The following TMEM223 variants were observed in gnomAD, a reference collection of about 807,000 sequenced individuals.
TMEM223 encodes transmembrane protein 223.
Under a neutral mutation model 14.1 loss-of-function variants are expected in TMEM223, and 14 were observed. The observed-to-expected ratio is 0.99, with a 90% CI of 0.66 to 1.55. TMEM223 has a LOEUF of 1.55. TMEM223 is among the 40% of genes most tolerant of loss of function. The pLI is 0.00. For missense variants in TMEM223, 346 were observed against 269.9 expected, an observed-to-expected ratio of 1.28 and a Z score of -1.97; for synonymous variants, 145 against 120.5, an observed-to-expected ratio of 1.20 and a Z score of -1.33.
At chr11:62,787,652 G>A (rs1452004194), downstream of TMEM223, 2 of 1,246,940 alleles carry the variant, frequency 1.6e-6, no homozygotes, top group South Asian at 3.1e-5. Context: ...AGGCACGGCT[G>A]GCGCCGGCCT....
chr11:62,790,703 A>G lies in TMEM223; in HGVS notation c.529T>C (p.Tyr177His). ...TGTCCAGTTTTGTCCAAGAGGAAAT[A>G]GAAGCGTCGGCCTTTGACTTTCAGA... ...LPLKVKGRRF[Y>H]FLLDKTGHFP... is the part of the protein sequence containing the mutation. The change falls in exon 2 of 2, where the codon TAT (tyrosine) becomes CAT (histidine). Residue 177 changes from tyrosine to histidine, a missense_variant. Transcript: ENST00000307366. 1.9e-6 allele frequency: 3 copies of G among 1,611,952 alleles called. No homozygotes were observed. The highest frequency in any genetic ancestry group is 2.5e-6 in the Non-Finnish European group (3 of 1,178,964).
At chr11:62,788,521 G>A (rs1179363095), downstream of TMEM223, among the ~76,000 whole-genome samples, 2 of 151,988 alleles carry the variant, frequency 1.3e-5, no homozygotes, top group Non-Finnish European at 2.9e-5. Context: ...TGGCCAACAC[G>A]GTGAAACCCT....
chr11:62,791,555 T>C (rs2084361024), intron 1 of TMEM223, 124 bp downstream of exon 1: 9 of 1,242,950 alleles, frequency 7.2e-6, no homozygotes, highest in Non-Finnish European at 8.6e-6. Context: ...TGTTTCACAT[T>C]TCTGTGGGGT....
chr11:62,789,807 G>A, downstream of TMEM223: 1 of 1,562,720 alleles, frequency 6.4e-7, no homozygotes, highest in South Asian at 1.2e-5. Flanking sequence ...AAATTCAGCA[G>A]TTCAGAGTGG....
chr11:62,787,493 G>GTGCCGTGGC, downstream of TMEM223: 2 of 1,579,390 alleles, frequency 1.3e-6, no homozygotes, highest in Non-Finnish European at 1.7e-6. Flanking sequence ...TTCCTGTGCG[G>GTGCCGTGGC]GGCCGTGGCG....
chr11:62,786,565 A>C, downstream of TMEM223: 1 of 1,568,682 alleles, frequency 6.4e-7, no homozygotes, highest in African/African-American at 1.4e-5. Flanking sequence ...AGCAGAGCCC[A>C]ACAGGGGTGG....
rs1463649965 is a variant in TMEM223 at position 62,776,514 on chromosome 11, C to T, written c.315-1849G>A. 6 of 1,584,866 alleles carry T rather than the reference C, an allele frequency of 3.8e-6. No individual in the cohort carries two copies. The Admixed American group carries it at 6.7e-5, about 18-fold the overall frequency. On this transcript the variant is annotated intron_variant, in intron 1 of 2. Transcript: ENST00000528367. Reference sequence around the variant, plus strand: ...ACAGAGGGCTCAGGTGGCATGAGGCCACTTCCATGTCCAGTTCAGGGCTGG... The same window carrying T: ...ACAGAGGGCTCAGGTGGCATGAGGCTACTTCCATGTCCAGTTCAGGGCTGG...
chr11:62,782,657 C>T, downstream of TMEM223: 1 of 1,605,910 alleles, frequency 6.2e-7, no homozygotes, highest in South Asian at 1.1e-5. Flanking sequence ...GGCACCATGC[C>T]TCATTCCCCT....
chr11:62,783,206 G>T (rs966320898), downstream of TMEM223, among the ~76,000 whole-genome samples: 4 of 152,192 alleles, frequency 2.6e-5, no homozygotes, highest in Non-Finnish European at 4.4e-5. Flanking sequence ...GTTGGCGCCG[G>T]GCGCAGTGGC....
At chr11:62,784,467 C>T (rs1391913852), downstream of TMEM223, among the ~76,000 whole-genome samples, 7 of 151,252 alleles carry the variant, frequency 4.6e-5, no homozygotes, top group East Asian at 2.0e-4. Flanking sequence ...CCACCATGCC[C>T]GGCTAATTTT....
downstream of TMEM223, chr11:62,786,270 G>A (rs1200353642): frequency 1.9e-6 from 3 of 1,611,920 alleles, no homozygotes; most frequent in Non-Finnish European, 1.7e-6. Flanking sequence ...GCAGTAGAAC[G>A]AGTCCTGTAC....
downstream of TMEM223, among the ~76,000 whole-genome samples, chr11:62,788,400 G>GCAAAAA (rs540874469): frequency 1.3e-3 from 187 of 147,626 alleles, no homozygotes; most frequent in African/African-American, 3.6e-3. Flanking sequence ...AATCTCCATC[G>GCAAAAA]CAAAAACAAA....
At chr11:62,771,319 G>A (rs946221810), downstream of TMEM223, 1 of 152,480 alleles carries the variant, frequency 6.6e-6, no homozygotes, top group African/African-American at 2.4e-5. Context: ...GAGCCAGGAA[G>A]CCTCCTGGAG....
At chr11:62,771,929 C>G (rs2084150998) in exon 3 of TMEM223, 1 of 355,522 alleles carries the variant, frequency 2.8e-6, no homozygotes, top group East Asian at 7.6e-5. Flanking sequence ...CTAGGGTCAC[C>G]AAGGGGTGGG....
At chr11:62,772,829 C>T (rs1389232494) in intron 2 of TMEM223, among the ~76,000 whole-genome samples, 9 of 144,044 alleles carry the variant, frequency 6.2e-5, no homozygotes, top group Non-Finnish European at 9.2e-5. Context: ...AAGAATAGTT[C>T]TTCTTTCTTT....
At chr11:62,779,963 T>C (rs1333341014) in intron 1 of TMEM223, among the ~76,000 whole-genome samples, 1 of 70,364 alleles carries the variant, frequency 1.4e-5, no homozygotes, top group Non-Finnish European at 3.6e-5. Context: ...TATATATATA[T>C]ATATATATAT....
rs2084210063 is a variant in TMEM223 at position 62,779,325 on chromosome 11, G to T, written c.315-4660C>A. Among the ~76,000 whole-genome samples, 4 of 152,128 alleles carry T rather than the reference G, an allele frequency of 2.6e-5. No individual in the cohort carries two copies. In the South Asian group the frequency reaches 8.3e-4, roughly 32 times the overall value. Reference sequence around the variant, plus strand: ...TTCTCCTGCCTTAGCCTCCCGAGTAGCTGGGACTACAGGTGCCCGCCAACA... The same window carrying T: ...TTCTCCTGCCTTAGCCTCCCGAGTATCTGGGACTACAGGTGCCCGCCAACA... On this transcript the variant is annotated intron_variant, in intron 1 of 2. Transcript: ENST00000528367.
chr11:62,787,647 C>T, downstream of TMEM223: 1 of 1,255,806 alleles, frequency 8.0e-7, no homozygotes, highest in Non-Finnish European at 1.1e-6. Flanking sequence ...TGGTGAGGCA[C>T]GGCTGGCGCC....
downstream of TMEM223, among the ~76,000 whole-genome samples, chr11:62,784,309 T>C (rs1176710782): frequency 2.1e-5 from 3 of 141,048 alleles, no homozygotes; most frequent in African/African-American, 7.9e-5. Flanking sequence ...ATTCTTAATT[T>C]TTTTTTTTTT....
Sources: gnomAD v4.1 joint callset for allele counts (sites outside exome capture counted in the v4.1 genomes callset) on GRCh38, gnomAD v4.1.1 for gene constraint, MANE v1.5 for transcripts, NCBI Gene and HGNC (gene_info 2026-07-23, HGNC 2026-07-21) for gene names.